The following SMIM41 variants were observed in gnomAD, a reference collection of about 807,000 sequenced individuals.
SMIM41 encodes the protein small integral membrane protein 41.
At chr12:52,098,733 A>G (rs1940152907) in intron 2 of SMIM41, among the ~76,000 whole-genome samples, 1 of 74,230 alleles carries the variant, frequency 1.3e-5, no homozygotes, top group Non-Finnish European at 2.6e-5. Context: ...GAACAATATC[A>G]CGGGGGGGGG....
Position 52,101,617 on chromosome 12 carries a change from A to G in SMIM41, c.*196-5762A>G, listed in dbSNP as rs532426274. On this transcript the variant is annotated intron_variant, in intron 2 of 2. Coordinates refer to ENST00000546390, the MANE Select transcript of SMIM41 (RefSeq NM_001369216.1). Reference sequence around the variant, plus strand: ...AATTTAACTCACAAGAATTTCTTGCATATTTCCAGACGCTTTGGTAAGAAG... The same window carrying G: ...AATTTAACTCACAAGAATTTCTTGCGTATTTCCAGACGCTTTGGTAAGAAG... Among the ~76,000 whole-genome samples the G allele has an allele frequency of 4.6e-5, 7 of 152,320 alleles. No individual in the cohort carries two copies. The South Asian group carries it at 1.5e-3, about 32-fold the overall frequency.
At chr12:52,082,487 C>T (rs938466937) in intron 1 of SMIM41, among the ~76,000 whole-genome samples, 14 of 152,246 alleles carry the variant, frequency 9.2e-5, no homozygotes, top group African/African-American at 3.4e-4. Context: ...GAGATGTTTG[C>T]TGTGGAATTC....
intron 2 of SMIM41, among the ~76,000 whole-genome samples, chr12:52,094,492 T>C (rs1158752424): frequency 1.3e-5 from 2 of 152,156 alleles, no homozygotes; most frequent in Non-Finnish European, 2.9e-5. Context: ...CCTGAGCCAC[T>C]GTGCCCGGCC....
chr12:52,103,811 G>T (rs559440261), intron 2 of SMIM41, among the ~76,000 whole-genome samples: 1 of 152,288 alleles, frequency 6.6e-6, no homozygotes, highest in African/African-American at 2.4e-5. Flanking sequence ...CAAGGGTCTA[G>T]AGTAGTTAAA....
rs564903046 is a variant in SMIM41 at position 52,099,818 on chromosome 12, G to A, written c.*196-7561G>A. On this transcript the variant is annotated intron_variant, in intron 2 of 2. Transcript: ENST00000546390. The stretch of plus-strand genomic sequence containing the variant: ...ATACTATGAACAATATCACAGGAGG[G>A]ATGTGCACCTTCTGCGATATTGGGA... Among the ~76,000 whole-genome samples, 351 of 150,932 alleles carry A rather than the reference G, an allele frequency of 2.3e-3. 2 individuals are homozygous for A. The highest frequency in any genetic ancestry group is 8.0e-3 in the African/African-American group (330 of 41,228).
intron 2 of SMIM41, chr12:52,093,503 C>A (rs1940038405): frequency 6.6e-6 from 1 of 152,136 alleles, no homozygotes; most frequent in Non-Finnish European, 1.5e-5. Flanking sequence ...AATGAACTGA[C>A]CCAGAGACTG....
chr12:52,107,935 A>G lies in SMIM41; in HGVS notation c.*752A>G. On this transcript the variant is annotated 3_prime_UTR_variant, in exon 3 of 3. Transcript: ENST00000546390. Reference sequence around the variant, plus strand: ...ACCTTCATCAATAACATAATCATGTATTTCCCTACTGCCATATTTGGTTTT... The same window carrying G: ...ACCTTCATCAATAACATAATCATGTGTTTCCCTACTGCCATATTTGGTTTT... 1 of 258,636 alleles carries G rather than the reference A, an allele frequency of 3.9e-6. No homozygotes were observed. The highest frequency in any genetic ancestry group is 7.6e-6 in the Non-Finnish European group (1 of 131,780). The allele number at this position is 258,636 out of a possible 1,614,324, so 16.0% of individuals were successfully genotyped here. A position where few individuals can be genotyped will look rare whatever the true frequency, so the allele number is the denominator to read the frequency against.
chr12:52,098,781 C>T (rs1380685622), intron 2 of SMIM41, among the ~76,000 whole-genome samples: 2 of 150,958 alleles, frequency 1.3e-5, no homozygotes, highest in Non-Finnish European at 3.0e-5. Context: ...TAAAATTATC[C>T]TCTCTTCCCT....
intron 2 of SMIM41, among the ~76,000 whole-genome samples, chr12:52,088,400 G>A (rs1417352806): frequency 1.3e-5 from 2 of 152,192 alleles, no homozygotes; most frequent in Non-Finnish European, 2.9e-5. Flanking sequence ...CTCCTGGGGT[G>A]GGAATGAGCC....
At chr12:52,084,222 A>C (rs1023700609) in intron 2 of SMIM41, among the ~76,000 whole-genome samples, 2 of 152,058 alleles carry the variant, frequency 1.3e-5, no homozygotes, top group African/African-American at 4.8e-5. Flanking sequence ...AAAAATACAA[A>C]AATTAGCTGG....
chr12:52,096,850 C>T (rs994749421), intron 2 of SMIM41, among the ~76,000 whole-genome samples: 3 of 151,866 alleles, frequency 2.0e-5, no homozygotes, highest in Non-Finnish European at 2.9e-5. Context: ...ATGTACACCC[C>T]CCTGTGATGT....
At position 52,081,225 on chromosome 12, in the gene SMIM41, A is replaced by G. The variant is rs1939814743; in HGVS notation, c.*120+1044A>G. On this transcript the variant is annotated intron_variant, in intron 1 of 2. Transcript: ENST00000546390. The surrounding 1 kb of genome is among the most constrained non-coding windows in gnomAD (Gnocchi z 4.1). ...AGCCCTGGGGGTTTCTGTGGGTGGGAGTGTTTGTCAGGGGTGACTTTGGCC... is the reference window on the plus strand; with the variant it reads ...AGCCCTGGGGGTTTCTGTGGGTGGGGGTGTTTGTCAGGGGTGACTTTGGCC... Among the ~76,000 whole-genome samples, 1 of 151,474 alleles carries G rather than the reference A, an allele frequency of 6.6e-6. No individual in the cohort carries two copies. The highest frequency in any genetic ancestry group is 1.5e-5 in the Non-Finnish European group (1 of 67,836).
intron 2 of SMIM41, chr12:52,094,575 C>A (rs1239778132): frequency 6.6e-6 from 1 of 152,350 alleles, no homozygotes; most frequent in Non-Finnish European, 1.5e-5. Context: ...ATCCAGGTAA[C>A]CTGCGCCTCT....
At chr12:52,096,167 A>T (rs1205625531) in intron 2 of SMIM41, among the ~76,000 whole-genome samples, 1 of 152,016 alleles carries the variant, frequency 6.6e-6, no homozygotes, top group Non-Finnish European at 1.5e-5. Flanking sequence ...TATTGGGAGT[A>T]ATATCACCCT....
chr12:52,098,654 T>G (rs1306302665), intron 2 of SMIM41, among the ~76,000 whole-genome samples: 2 of 150,140 alleles, frequency 1.3e-5, no homozygotes, highest in Non-Finnish European at 3.0e-5. Context: ...TTAGGAAAAA[T>G]GTAACCGGGG....
At chr12:52,099,336 C>T (rs567299534) in intron 2 of SMIM41, among the ~76,000 whole-genome samples, 6 of 150,598 alleles carry the variant, frequency 4.0e-5, no homozygotes, top group South Asian at 2.1e-4. Flanking sequence ...AGTAATATCA[C>T]GGGTGGTTTA....
intron 2 of SMIM41, among the ~76,000 whole-genome samples, chr12:52,098,517 G>T (rs1380919879): frequency 2.0e-5 from 3 of 148,672 alleles, no homozygotes; most frequent in East Asian, 2.0e-4. Context: ...TCGTGGGGGG[G>T]GGGGGACGTA....
intron 2 of SMIM41, among the ~76,000 whole-genome samples, chr12:52,098,495 T>C (rs1414215473): frequency 9.1e-6 from 1 of 109,668 alleles, no homozygotes; most frequent in African/African-American, 3.9e-5. Context: ...CTCATGAATA[T>C]TAAGAACAAT....
Position 52,080,081 on chromosome 12 carries a change from G to T in SMIM41, c.*20G>T. On this transcript the variant is annotated 3_prime_UTR_variant, in exon 1 of 3. Transcript: ENST00000546390. The stretch of plus-strand genomic sequence containing the variant: ...TCCTAGGCGCCCGGCTGCGCTCGGT[G>T]GTCGCGGCCTCCAGGCAGCCCCTGA... 8.4e-6 allele frequency: 3 copies of T among 356,604 alleles called. No individual in the cohort carries two copies. The highest frequency in any genetic ancestry group is 1.3e-4 in the South Asian group (1 of 7,478). The allele number at this position is 356,604 out of a possible 1,614,324, so 22.1% of individuals were successfully genotyped here. A position where few individuals can be genotyped will look rare whatever the true frequency, so the allele number is the denominator to read the frequency against.
Sources: gnomAD v4.1 joint callset for allele counts (sites outside exome capture counted in the v4.1 genomes callset) on GRCh38, gnomAD v4.1.1 for gene constraint, Gnocchi (gnomAD v3.1) non-coding constraint, MANE v1.5 for transcripts, NCBI Gene and HGNC (gene_info 2026-07-23, HGNC 2026-07-21) for gene names.